The following DNM1 variants were observed in gnomAD, a reference collection of about 807,000 sequenced individuals.
DNM1 encodes dynamin 1.
Under a neutral mutation model 104.6 loss-of-function variants are expected in DNM1, and 29 were observed. The observed-to-expected ratio is 0.28, with a 90% CI of 0.21 to 0.38. The LOEUF is 0.38. Among genes scored for constraint, DNM1 ranks in the 10% least tolerant of loss-of-function variants. The pLI is 1.00. For synonymous variants in DNM1, 445 were observed against 475.8 expected, an observed-to-expected ratio of 0.94 and a Z score of 0.84; for missense variants, 640 against 1,189.4, an observed-to-expected ratio of 0.54 and a Z score of 6.79.
chr9:128,232,121 G>C, intron 10 of DNM1: 1 of 446,796 alleles, frequency 2.2e-6, no homozygotes, highest in Admixed American at 2.4e-5. Flanking sequence ...GTGACATCCA[G>C]GCGGTTAGTG....
At chr9:128,223,476 C>A (rs1835142203) in intron 9 of DNM1, 1 of 152,556 alleles carries the variant, frequency 6.6e-6, no homozygotes, top group Non-Finnish European at 1.5e-5. Flanking sequence ...CTATGCCAAG[C>A]AGTGAACAAG....
chr9:128,217,307 T>C (rs1416552763), intron 1 of DNM1, among the ~76,000 whole-genome samples: 2 of 152,200 alleles, frequency 1.3e-5, no homozygotes, highest in Admixed American at 6.5e-5. Context: ...TGCAGCTCCC[T>C]CATCTGCAAA....
chr9:128,207,793 C>A (rs760100995), intron 1 of DNM1, among the ~76,000 whole-genome samples: 1 of 152,164 alleles, frequency 6.6e-6, no homozygotes, highest in Non-Finnish European at 1.5e-5. Context: ...ATGGAGGACG[C>A]GCTGCTTCTA....
rs115750361 is a variant in DNM1, at chr9:128,224,482, G to C, written c.1335+93G>C. On this transcript the variant is annotated intron_variant, in intron 10 of 21. Coordinates refer to ENST00000372923, the MANE Select transcript of DNM1 (RefSeq NM_004408.4). This position sits in a 1 kb window ranked among gnomAD's most constrained non-coding sequence, Gnocchi z 4.3. ...TCCCCATGTCCCCCCCTGCCTCCTC[G>C]GTAGCATGTACAGACCTCAGCGGGG... The C allele has an allele frequency of 2.0e-5, 26 of 1,329,874 alleles. No homozygotes were observed. Among genetic ancestry groups the C allele is most frequent in the Non-Finnish European group, 2.6e-5 (25 of 959,338 alleles). The allele number at this position is 1,329,874 out of a possible 1,614,324, so 82.4% of individuals were successfully genotyped here.
At chr9:128,213,861 C>T (rs1834450127) in intron 1 of DNM1, among the ~76,000 whole-genome samples, 1 of 152,154 alleles carries the variant, frequency 6.6e-6, no homozygotes, top group Non-Finnish European at 1.5e-5. Flanking sequence ...AAGCCAAGGC[C>T]AGAACTGCCC....
In DNM1 at chr9:128,229,552, G is replaced by A. The variant is rs543818905; in HGVS notation, c.1336-4469G>A. 7.6e-5 allele frequency among the ~76,000 whole-genome samples: 10 copies of A among 130,750 alleles called. No individual in the cohort carries two copies. The South Asian group carries it at 2.5e-3, about 33-fold the overall frequency. 85.8% of individuals were successfully genotyped at this position (130,750 alleles called of 152,430 possible). A position where few individuals can be genotyped will look rare whatever the true frequency, so the allele number is the denominator to read the frequency against. ...GTCGAGGCTGCAGTGAGCTCTGATTGTGATCACACCACCATATTCCAGACT... is the reference window on the plus strand; with the variant it reads ...GTCGAGGCTGCAGTGAGCTCTGATTATGATCACACCACCATATTCCAGACT... On this transcript the variant is annotated intron_variant, in intron 10 of 21. Transcript: ENST00000372923.
At chr9:128,217,786 G>A (rs1834701690) in intron 1 of DNM1, among the ~76,000 whole-genome samples, 1 of 152,192 alleles carries the variant, frequency 6.6e-6, no homozygotes, top group African/African-American at 2.4e-5. Context: ...GCCTGGAGAA[G>A]GGGAAGTGAG....
chr9:128,223,027 G>A, intron 9 of DNM1, 167 bp downstream of exon 9: 1 of 698,376 alleles, frequency 1.4e-6, no homozygotes, highest in Non-Finnish European at 2.4e-6. Flanking sequence ...CTCCAGCTTG[G>A]GGAGGTGGAC....
At chr9:128,210,720 A>G (rs891393503) in intron 1 of DNM1, among the ~76,000 whole-genome samples, 1 of 152,106 alleles carries the variant, frequency 6.6e-6, no homozygotes, top group Non-Finnish European at 1.5e-5. Flanking sequence ...CAGCAATTGA[A>G]TCAGAGGCAG....
chr9:128,214,117 C>T (rs1834467098), intron 1 of DNM1, among the ~76,000 whole-genome samples: 2 of 152,148 alleles, frequency 1.3e-5, no homozygotes, highest in African/African-American at 2.4e-5. Flanking sequence ...CTGCCCTCAC[C>T]CCCAAGCTCA....
chr9:128,222,175 C>T lies in DNM1; in HGVS notation c.850-22C>T, dbSNP rs1407967934. 5.6e-6 allele frequency: 9 copies of T among 1,602,780 alleles called. No individual in the cohort carries two copies. Among genetic ancestry groups the T allele is most frequent in the South Asian group, 1.1e-5 (1 of 88,824 alleles). On this transcript the variant is annotated intron_variant, in intron 6 of 21. Transcript: ENST00000372923. The surrounding 1 kb of genome is among the most constrained non-coding windows in gnomAD (Gnocchi z 7.8). ...GCCCTGTGACCATCTGTCCTCAACC[C>T]TTTCCTCACCCTTACCCCCAGCAAC... is the stretch of plus-strand genomic sequence containing the variant.
chr9:128,224,230 T>G lies in DNM1; in HGVS notation c.1197-21T>G, dbSNP rs1346770674. On this transcript the variant is annotated intron_variant, in intron 9 of 21. Transcript: ENST00000372923. This position sits in a 1 kb window ranked among gnomAD's most constrained non-coding sequence, Gnocchi z 4.3. Reference sequence around the variant, plus strand: ...GCACTGGCCTGTGACACTCTGCCCTTCTCCCGCTCCGGGCGTTCAGAACGG... The same window carrying G: ...GCACTGGCCTGTGACACTCTGCCCTGCTCCCGCTCCGGGCGTTCAGAACGG... 1 of 1,609,964 alleles carries G rather than the reference T, an allele frequency of 6.2e-7. No homozygotes were observed. Among genetic ancestry groups the G allele is most frequent in the Non-Finnish European group, 8.5e-7 (1 of 1,177,742 alleles).
chr9:128,225,023 C>T (rs1835256610), intron 10 of DNM1, among the ~76,000 whole-genome samples: 1 of 152,182 alleles, frequency 6.6e-6, no homozygotes, highest in Admixed American at 6.5e-5. Flanking sequence ...ACCATCCAAG[C>T]CTCACAGAAG....
chr9:128,216,817 T>C (rs1834633974), intron 1 of DNM1, among the ~76,000 whole-genome samples: 1 of 152,196 alleles, frequency 6.6e-6, no homozygotes, highest in Non-Finnish European at 1.5e-5. Flanking sequence ...CCTCTGGCTC[T>C]GTAGAGCTTG....
Position 128,218,364 on chromosome 9 carries a change from A to G in DNM1, c.235+60A>G. 1 of 1,586,512 alleles carries G rather than the reference A, an allele frequency of 6.3e-7. No individual in the cohort carries two copies. Among genetic ancestry groups the G allele is most frequent in the Admixed American group, 1.7e-5 (1 of 59,978 alleles). ...CCACTCCAGCCTCTCCCCCGTCCCC[A>G]AGCTGAGGGCCAGCCTGGCCACGAA... On this transcript the variant is annotated intron_variant, in intron 2 of 21. Transcript: ENST00000372923. The surrounding 1 kb of genome is among the most constrained non-coding windows in gnomAD (Gnocchi z 4.8).
rs761649732 is a variant in DNM1, at chr9:128,254,383, T to C, written c.2535-271T>C. The C allele has an allele frequency of 1.4e-6, 2 of 1,409,994 alleles. No homozygotes were observed. Among genetic ancestry groups the C allele is most frequent in the Non-Finnish European group, 1.8e-6 (2 of 1,090,248 alleles). The allele number at this position is 1,409,994 out of a possible 1,614,324, so 87.3% of individuals were successfully genotyped here. On this transcript the variant is annotated intron_variant, in intron 21 of 21. Coordinates refer to ENST00000372923, the MANE Select transcript of DNM1 (RefSeq NM_004408.4). This position sits in a 1 kb window ranked among gnomAD's most constrained non-coding sequence, Gnocchi z 6.1. Reference sequence around the variant, plus strand: ...TTGCGGGTGCCCTGCCTGGGTGCCGTGTGAGAGGCCAGCGTGTGTGGGGTG... The same window carrying C: ...TTGCGGGTGCCCTGCCTGGGTGCCGCGTGAGAGGCCAGCGTGTGTGGGGTG...
intron 1 of DNM1, among the ~76,000 whole-genome samples, chr9:128,215,656 T>C (rs1481589092): frequency 1.3e-5 from 2 of 152,068 alleles, no homozygotes; most frequent in Non-Finnish European, 2.9e-5. Flanking sequence ...CCACACCCGC[T>C]ATGTGGCACC....
Position 128,222,340 on chromosome 9 carries a change from G to T in DNM1, c.992+1G>T. ...CTCGCAAGACCAAGGCCCTGCTGCA[G>T]TGAGGCTCCCCCAGCTCCTATCACT... On this transcript the variant is annotated splice_donor_variant, in intron 7 of 21. Coordinates refer to ENST00000372923, the MANE Select transcript of DNM1 (RefSeq NM_004408.4). LOFTEE classifies it high-confidence loss of function. The surrounding 1 kb of genome is among the most constrained non-coding windows in gnomAD (Gnocchi z 7.8). The T allele has an allele frequency of 6.2e-7, 1 of 1,612,830 alleles. No homozygotes were observed. Among genetic ancestry groups the T allele is most frequent in the Non-Finnish European group, 8.5e-7 (1 of 1,179,282 alleles).
At chr9:128,223,270 A>C (rs1243597653) in intron 9 of DNM1, 6 of 197,386 alleles carry the variant, frequency 3.0e-5, no homozygotes, top group East Asian at 1.4e-4. Context: ...AATCCTCCAC[A>C]CCCTCCTGTA....
Sources: gnomAD v4.1 joint callset for allele counts (sites outside exome capture counted in the v4.1 genomes callset) on GRCh38, gnomAD v4.1.1 for gene constraint, Gnocchi (gnomAD v3.1) non-coding constraint, MANE v1.5 for transcripts, NCBI Gene and HGNC (gene_info 2026-07-23, HGNC 2026-07-21) for gene names.